The following PTPRT variants were observed in gnomAD, a reference collection of about 807,000 sequenced individuals.
The protein encoded by PTPRT is receptor-type tyrosine-protein phosphatase T.
Under a neutral mutation model 176.8 loss-of-function variants are expected in PTPRT, and 56 were observed. The observed-to-expected ratio is 0.32, with a 90% CI of 0.26 to 0.40. PTPRT has a LOEUF of 0.40. PTPRT is among the 10% of genes least tolerant of loss of function. PTPRT has a pLI of 1.00. For missense variants in PTPRT, 1,540 were observed against 1,908.2 expected (o/e 0.81, Z 3.60); for synonymous variants, 783 against 739.0 (o/e 1.06, Z -0.96).
At chr20:42,764,872 C>A (rs2076961193) in intron 5 of PTPRT, among the ~76,000 whole-genome samples, 1 of 152,182 alleles carries the variant, frequency 6.6e-6, no homozygotes, top group South Asian at 2.1e-4. Context: ...GAAGGGATGC[C>A]TGGTTCAGAT....
intron 1 of PTPRT, among the ~76,000 whole-genome samples, chr20:42,949,530 G>T (rs1981097201): frequency 6.6e-6 from 1 of 152,176 alleles, no homozygotes; most frequent in Non-Finnish European, 1.5e-5. Context: ...ACTTGAAGAA[G>T]AAGCAAGGTT....
chr20:42,198,207 T>C (rs1420265524), intron 16 of PTPRT, among the ~76,000 whole-genome samples: 12 of 152,334 alleles, frequency 7.9e-5, no homozygotes, highest in Non-Finnish European at 1.8e-4. Flanking sequence ...CAAACACACT[T>C]AGCATTGCAT....
intron 7 of PTPRT, among the ~76,000 whole-genome samples, chr20:42,485,845 T>C (rs1005648330): frequency 1.3e-5 from 2 of 152,214 alleles, no homozygotes; most frequent in African/African-American, 4.8e-5. Flanking sequence ...TACAAGAGTG[T>C]CATTAAACTG....
intron 24 of PTPRT, among the ~76,000 whole-genome samples, chr20:42,105,598 T>C (rs1411102603): frequency 3.3e-5 from 5 of 152,232 alleles, no homozygotes; most frequent in Non-Finnish European, 7.3e-5. Context: ...AGAGTACTTT[T>C]CCAGATGCTA....
At chr20:42,720,193 T>C (rs1352320583) in intron 6 of PTPRT, among the ~76,000 whole-genome samples, 3 of 152,208 alleles carry the variant, frequency 2.0e-5, no homozygotes, top group Non-Finnish European at 4.4e-5. Context: ...AAAAGTGCAG[T>C]GAATATATAT....
chr20:42,799,315 C>T (rs208238), intron 2 of PTPRT, among the ~76,000 whole-genome samples: 99,054 of 151,866 alleles, frequency 0.65, 32,307 homozygotes, highest in Middle Eastern at 0.72. Context: ...GTAAACTACA[C>T]GCAACCCCTA....
intron 14 of PTPRT, among the ~76,000 whole-genome samples, chr20:42,245,910 G>C (rs1342144933): frequency 8.5e-5 from 13 of 152,188 alleles, no homozygotes; most frequent in African/African-American, 2.7e-4. Context: ...ACCCAGGCAA[G>C]CTTAAGCCAG....
At chr20:42,289,097 A>G (rs2057278619) in intron 12 of PTPRT, among the ~76,000 whole-genome samples, 1 of 151,974 alleles carries the variant, frequency 6.6e-6, no homozygotes, top group Non-Finnish European at 1.5e-5. Flanking sequence ...AAACTGGATC[A>G]CTACCTCTCA....
intron 16 of PTPRT, among the ~76,000 whole-genome samples, chr20:42,183,726 C>T (rs541096230): frequency 1.3e-5 from 2 of 152,144 alleles, no homozygotes; most frequent in South Asian, 4.1e-4. Flanking sequence ...GCCATTTTTC[C>T]TATAGAAGGG....
intron 1 of PTPRT, among the ~76,000 whole-genome samples, chr20:43,050,538 A>C (rs1445081707): frequency 6.6e-6 from 1 of 152,188 alleles, no homozygotes; most frequent in Non-Finnish European, 1.5e-5. Context: ...CTTTCTGCTC[A>C]TACCACAAGG....
Position 42,074,888 on chromosome 20 carries a change from AAG to A in PTPRT, c.*5989_*5990del, listed in dbSNP as rs1039826771. On this transcript the variant is annotated 3_prime_UTR_variant, in exon 31 of 31. Transcript: ENST00000373187. The stretch of plus-strand genomic sequence containing the variant: ...CCATCCCTGGTTACTAAAAAACTAG[AAG>A]AGTCTGCTCATGTGCACAAATATGG... The A allele has an allele frequency of 5.0e-6, 2 of 398,524 alleles. No individual in the cohort carries two copies. Among genetic ancestry groups the A allele is most frequent in the Non-Finnish European group, 8.8e-6 (2 of 226,076 alleles). The allele number at this position is 398,524 out of a possible 1,614,324, so 24.7% of individuals were successfully genotyped here.
chr20:42,539,226 T>C (rs2072532998), intron 7 of PTPRT, among the ~76,000 whole-genome samples: 1 of 152,154 alleles, frequency 6.6e-6, no homozygotes, highest in African/African-American at 2.4e-5. Flanking sequence ...ACACTAACTG[T>C]GGTTCCTAGG....
At chr20:42,939,595 T>A (rs78213190) in intron 1 of PTPRT, among the ~76,000 whole-genome samples, 2,180 of 152,260 alleles carry the variant, frequency 0.014, 59 homozygotes, top group African/African-American at 0.05. Flanking sequence ...GTCTTTTTCA[T>A]TCCTTCATCT....
At chr20:42,519,560 T>G (rs997575724) in intron 7 of PTPRT, among the ~76,000 whole-genome samples, 10 of 152,154 alleles carry the variant, frequency 6.6e-5, no homozygotes, top group African/African-American at 2.4e-4. Context: ...AAAAAATTAC[T>G]AATCTACATT....
chr20:42,620,306 C>A (rs1236456112), intron 7 of PTPRT, among the ~76,000 whole-genome samples: 2 of 149,156 alleles, frequency 1.3e-5, no homozygotes, highest in Non-Finnish European at 3.0e-5. Context: ...ATTCTGAGAT[C>A]TCCAGCTGCG....
At chr20:42,738,259 TC>T (rs1398594527) in intron 6 of PTPRT, among the ~76,000 whole-genome samples, 1 of 152,120 alleles carries the variant, frequency 6.6e-6, no homozygotes, top group Non-Finnish European at 1.5e-5. Context: ...ATGCCTGTAA[TC>T]CTAGCACTTG....
intron 1 of PTPRT, among the ~76,000 whole-genome samples, chr20:43,001,890 AC>A (rs1215807884): frequency 5.3e-5 from 8 of 151,942 alleles, no homozygotes; most frequent in Non-Finnish European, 8.8e-5. Flanking sequence ...AAAAAAACAA[AC>A]AAAAAAAACC....
At chr20:42,686,062 G>T (rs2075685569) in intron 6 of PTPRT, 1 of 152,168 alleles carries the variant, frequency 6.6e-6, no homozygotes, top group Non-Finnish European at 1.5e-5. Flanking sequence ...CCTCCACTGT[G>T]AGTTTTGACA....
At chr20:42,288,523 C>T (rs1227174937) in intron 12 of PTPRT, among the ~76,000 whole-genome samples, 7 of 151,952 alleles carry the variant, frequency 4.6e-5, no homozygotes. Context: ...TCCCTCTTTC[C>T]CCACTTGTGG....
Sources: gnomAD v4.1 joint callset for allele counts (sites outside exome capture counted in the v4.1 genomes callset) on GRCh38, gnomAD v4.1.1 for gene constraint, MANE v1.5 for transcripts, NCBI Gene and HGNC (gene_info 2026-07-23, HGNC 2026-07-21) for gene names.